The following FANCG variants were observed in gnomAD, a reference collection of about 807,000 sequenced individuals.
FANCG encodes Fanconi anemia group G protein.
A neutral mutation model predicts 73.3 loss-of-function variants in FANCG; 67 were observed. The observed-to-expected ratio is 0.91, with a 90% CI of 0.75 to 1.12. FANCG has a LOEUF of 1.12. Ranked by LOEUF, FANCG falls within the 50% of genes most tolerant of loss-of-function variation. FANCG has a pLI of 0.00. For synonymous variants in FANCG, 297 were observed against 311.6 expected (o/e 0.95, Z 0.49); for missense variants, 643 against 735.6 (o/e 0.87, Z 1.46).
rs140534765 is a variant in FANCG, at chr9:35,078,173, C to T, written c.478G>A (p.Ala160Thr). ...WLSADRLGDL[A>T]LLLETLNGSQ... The stretch of plus-strand genomic sequence containing the variant: ...CCATTCAGGGTCTCTAGTAACAAGG[C>T]CAGGTCCCCAAGACGGTCAGCACTC... The change falls in exon 4 of 14, where the codon GCC becomes ACC. Residue 160 changes from alanine to threonine, a missense_variant. Coordinates refer to ENST00000378643, the MANE Select transcript of FANCG (RefSeq NM_004629.2). 8.1e-5 allele frequency: 130 copies of T among 1,614,170 alleles called. 1 individual carries two copies. The African/African-American group carries it at 1.6e-3, about 20-fold the overall frequency.
Position 35,075,326 on chromosome 9 carries a change from C to G in FANCG, c.1434-1G>C, listed in dbSNP as rs1829062032. The G allele has an allele frequency of 1.2e-6, 2 of 1,614,112 alleles. No homozygotes were observed. Among genetic ancestry groups the G allele is most frequent in the Non-Finnish European group, 1.7e-6 (2 of 1,180,018 alleles). On this transcript the variant is annotated splice_acceptor_variant, in intron 10 of 13. Transcript: ENST00000378643. LOFTEE classifies it high-confidence loss of function. ...GGCCCGGAAGAGCAGCTCGAGGCAC[C>G]TGAAGTAGGACACAGAACAGGGGTG...
Position 35,079,192 on chromosome 9 carries a change from T to C in FANCG, c.134A>G (p.Asp45Gly), listed in dbSNP as rs1426126119. Residue 45 changes from aspartate (D) to glycine (G), a missense_variant, in exon 2 of 14, where the codon GAT becomes GGT. Physicochemically the swap from Asp to Gly is moderately conservative, Grantham distance 94. Transcript: ENST00000378643. ...GAGCCCTCTGAGCCCTTCCAGTGCA[T>C]CCTGAGCCAACTGCTGTCGCCTCAG... ...LTLRRQQLAQ[D>G]ALEGLRGLLH... 1 of 1,608,952 alleles carries C rather than the reference T, an allele frequency of 6.2e-7. No homozygotes were observed. The highest frequency in any genetic ancestry group is 8.5e-7 in the Non-Finnish European group (1 of 1,177,792).
Position 35,079,833 on chromosome 9 carries a change from C to G in FANCG, c.-309G>C, listed in dbSNP as rs1392754648. 2 of 480,736 alleles carry G rather than the reference C, an allele frequency of 4.2e-6. No homozygotes were observed. The highest frequency in any genetic ancestry group is 3.9e-5 in the African/African-American group (2 of 51,860). 29.8% of individuals were successfully genotyped at this position (480,736 alleles called of 1,614,324 possible). A position where few individuals can be genotyped will look rare whatever the true frequency, so the allele number is the denominator to read the frequency against. On this transcript the variant is annotated 5_prime_UTR_variant, in exon 1 of 14. Transcript: ENST00000378643. ...TCGGGGAGGAAACGAGTCAGCAACCCCAAACAGGCTTAGGCGGGCTAGAAG... is the reference window on the plus strand; with the variant it reads ...TCGGGGAGGAAACGAGTCAGCAACCGCAAACAGGCTTAGGCGGGCTAGAAG...
intron 8 of FANCG, 28 bp from the exon 9 acceptor site, chr9:35,076,056 C>T (rs200417039): frequency 1.2e-6 from 2 of 1,608,172 alleles, no homozygotes; most frequent in East Asian, 2.2e-5. Flanking sequence ...ATAAGCCTCA[C>T]CCTAGGCCCT....
At position 35,074,077 on chromosome 9, in the gene FANCG, G is replaced by T. The variant is rs1460114148; in HGVS notation, c.*31C>A. 3 of 1,535,578 alleles carry T rather than the reference G, an allele frequency of 2.0e-6. No homozygotes were observed. The highest frequency in any genetic ancestry group is 1.1e-5 in the South Asian group (1 of 89,354). On this transcript the variant is annotated 3_prime_UTR_variant, in exon 14 of 14. Coordinates refer to ENST00000378643, the MANE Select transcript of FANCG (RefSeq NM_004629.2). ...CCCCACAGAGAGACAGCCCACTGGG[G>T]ACCCAGCTCAAGCTCTTCAAAACGT...
rs758665937 is a variant in FANCG at position 35,075,650 on chromosome 9, T to C, written c.1248A>G (p.Leu416=). 3 of 1,601,206 alleles carry C rather than the reference T, an allele frequency of 1.9e-6. No individual in the cohort carries two copies. The highest frequency in any genetic ancestry group is 2.7e-5 in the African/African-American group (2 of 73,664). Residue 416 remains leucine (L), a synonymous_variant, in exon 10 of 14, where the codon CTA becomes CTG. Transcript: ENST00000378643. ...QAGRAQDALT[L]CEELLSRTSS... is the part of the protein sequence containing the mutation. The stretch of plus-strand genomic sequence containing the variant: ...ATGTGCGGCTGAGCAACTCCTCACA[T>C]AGAGTCAAGGCATCTTGGGCTCTGC...
rs1382086287 is a variant in FANCG, at chr9:35,076,846, A to G, written c.802T>C (p.Tyr268His). 1.2e-6 allele frequency: 2 copies of G among 1,614,110 alleles called. No homozygotes were observed. The highest frequency in any genetic ancestry group is 2.2e-5 in the East Asian group (1 of 44,898). Residue 268 changes from tyrosine (Y) to histidine (H), a missense_variant, in exon 7 of 14, where the codon TAC becomes CAC. By Grantham distance (83) the Tyr-to-His change is moderately conservative. Coordinates refer to ENST00000378643, the MANE Select transcript of FANCG (RefSeq NM_004629.2). ...CCCTCTTTCAGGGCTGCAACCAAGT[A>G]CAACAGTGCTCTCTGTGGATTTCCC... is the stretch of plus-strand genomic sequence containing the variant. ...KMGNPQRALL[Y>H]LVAALKEGSA...
At chr9:35,075,918 C>T (rs773083495) in intron 9 of FANCG, 44 bp downstream of exon 9, 1 of 1,605,886 alleles carries the variant, frequency 6.2e-7, no homozygotes. Context: ...AAGGGGACAC[C>T]AACCCGTCTA....
chr9:35,075,203 G>C (rs995262147), intron 11 of FANCG, 76 bp downstream of exon 11: 3 of 1,601,274 alleles, frequency 1.9e-6, no homozygotes, highest in Non-Finnish European at 2.6e-6. Context: ...CTGGTGGGCT[G>C]GGACACATTA....
In FANCG at chr9:35,079,238, C is replaced by A; in HGVS notation, c.88G>T (p.Ala30Ser). The change falls in exon 2 of 14, where the codon GCT becomes TCT. Residue 30 changes from alanine to serine, a missense_variant. Coordinates refer to ENST00000378643, the MANE Select transcript of FANCG (RefSeq NM_004629.2). ...NDRLVRQAKV[A>S]QNSGLTLRRQ... ...CTCAGAGTCAGACCGGAGTTCTGAGCCACCTGCCACATGAGGGAGGGGTTG... is the reference window on the plus strand; with the variant it reads ...CTCAGAGTCAGACCGGAGTTCTGAGACACCTGCCACATGAGGGAGGGGTTG... The A allele has an allele frequency of 1.9e-6, 3 of 1,606,566 alleles. No individual in the cohort carries two copies. Among genetic ancestry groups the A allele is most frequent in the Non-Finnish European group, 2.5e-6 (3 of 1,176,794 alleles).
intron 3 of FANCG, 58 bp from the exon 4 acceptor site, chr9:35,078,401 C>T (rs1829125451): frequency 1.3e-6 from 2 of 1,568,110 alleles, no homozygotes; most frequent in African/African-American, 1.4e-5. Flanking sequence ...ACCTCATCCT[C>T]CATCTCCCCA....
Position 35,075,282 on chromosome 9 carries a change from G to T in FANCG, c.1477C>A (p.Gln493Lys). The T allele has an allele frequency of 6.2e-7, 1 of 1,614,138 alleles. No homozygotes were observed. Among genetic ancestry groups the T allele is most frequent in the Non-Finnish European group, 8.5e-7 (1 of 1,180,026 alleles). Reference sequence around the variant, plus strand: ...GAAAACTGAAAGTTTAGATCACCTTGTTCTTTTTCCTCAGGTGTGGCCCGG... The same window carrying T: ...GAAAACTGAAAGTTTAGATCACCTTTTTCTTTTTCCTCAGGTGTGGCCCGG... ...LFRATPEEKEQGAAFNCEQGC... is the reference protein window; with the variant it reads ...LFRATPEEKEKGAAFNCEQGC... Residue 493 changes from glutamine to lysine, a missense_variant, in exon 11 of 14, where the codon CAA becomes AAA. Physicochemically the swap from Gln to Lys is moderately conservative, Grantham distance 53. Transcript: ENST00000378643.
chr9:35,076,091 A>C, intron 8 of FANCG, 63 bp from the exon 9 acceptor site: 2 of 1,479,500 alleles, frequency 1.4e-6, no homozygotes, highest in East Asian at 4.5e-5. Flanking sequence ...AAGGGTCCTG[A>C]GAATGTTCTC....
In FANCG at chr9:35,079,260, G is replaced by A. The variant is rs1028747262; in HGVS notation, c.85-19C>T. On this transcript the variant is annotated intron_variant, in intron 1 of 13. Coordinates refer to ENST00000378643, the MANE Select transcript of FANCG (RefSeq NM_004629.2). ...GAGCCACCTGCCACATGAGGGAGGG[G>A]TTGTCACTGAGGATCAATCCTTTTT... The A allele has an allele frequency of 1.2e-6, 2 of 1,600,092 alleles. No homozygotes were observed. Among genetic ancestry groups the A allele is most frequent in the Admixed American group, 3.4e-5 (2 of 58,546 alleles).
At position 35,079,598 on chromosome 9, in the gene FANCG, C is replaced by T; in HGVS notation, c.-74G>A. 6.6e-7 allele frequency: 1 copy of T among 1,507,246 alleles called. No individual in the cohort carries two copies. The highest frequency in any genetic ancestry group is 1.7e-4 in the Middle Eastern group (1 of 5,782). 93.4% of individuals were successfully genotyped at this position (1,507,246 alleles called of 1,614,324 possible). On this transcript the variant is annotated 5_prime_UTR_variant, in exon 1 of 14. Coordinates refer to ENST00000378643, the MANE Select transcript of FANCG (RefSeq NM_004629.2). The stretch of plus-strand genomic sequence containing the variant: ...AAGCTGGCCTGCCCAAGCTCCCAAC[C>T]CCAGCGGGGAGGGGCCTGGGCACTT...
In FANCG at chr9:35,075,683, G is replaced by A; in HGVS notation, c.1215C>T (p.Ile405=). ...EVFLEAAVAL[I]QAGRAQDALT... is the part of the protein sequence containing the mutation. The stretch of plus-strand genomic sequence containing the variant: ...AGGCATCTTGGGCTCTGCCTGCCTG[G>A]ATCAGTGCTACCGCTGCCTCCAAAA... The change falls in exon 10 of 14, where the codon ATC becomes ATT. Residue 405 remains isoleucine (I), a synonymous_variant. Transcript: ENST00000378643. 1 of 1,574,136 alleles carries A rather than the reference G, an allele frequency of 6.4e-7. No homozygotes were observed. The highest frequency in any genetic ancestry group is 8.6e-7 in the Non-Finnish European group (1 of 1,156,602).
intron 1 of FANCG, 83 bp downstream of exon 1, chr9:35,079,358 C>T: frequency 6.4e-7 from 1 of 1,569,234 alleles, no homozygotes; most frequent in Non-Finnish European, 8.8e-7. Context: ...TCAGTCCCTC[C>T]CCATCGGTTG....
At chr9:35,076,335 A>C in intron 8 of FANCG, 97 bp downstream of exon 8, 2 of 1,469,310 alleles carry the variant, frequency 1.4e-6, no homozygotes, top group South Asian at 2.3e-5. Flanking sequence ...CCACTGCCTC[A>C]TTCATCCCCC....
intron 4 of FANCG, 80 bp from the exon 5 acceptor site, chr9:35,077,479 C>T: frequency 6.3e-7 from 1 of 1,590,192 alleles, no homozygotes; most frequent in Non-Finnish European, 8.6e-7. Context: ...CTGGCTAGAC[C>T]TTGAGCTCAA....
Sources: gnomAD v4.1 joint callset for allele counts on GRCh38, gnomAD v4.1.1 for gene constraint, MANE v1.5 for transcripts, NCBI Gene and HGNC (gene_info 2026-07-23, HGNC 2026-07-21) for gene names.